Variants in SUPT3H observed in about 807,000 individuals in gnomAD.
SUPT3H encodes the protein SPT3 homolog, SAGA and STAGA complex component, also known as transcription initiation protein SPT3 homolog.
SUPT3H carries 44 observed loss-of-function variants against 44.3 expected under a neutral mutation model. The ratio of observed to expected loss-of-function variants is 0.99; its 90% CI spans 0.78 to 1.28. The LOEUF (loss-of-function observed/expected upper bound fraction) is 1.28. Ranked by LOEUF, SUPT3H falls within the 50% of genes most tolerant of loss-of-function variation. The pLI, the probability that SUPT3H is intolerant of heterozygous loss-of-function variation, is 0.00. For synonymous variants in SUPT3H, 124 were observed against 125.6 expected (o/e 0.99, Z 0.09); for missense variants, 380 against 387.1 (o/e 0.98, Z 0.15).
chr6:44,878,042 C>G (rs1582153935), intron 10 of SUPT3H, among the ~76,000 whole-genome samples: 1 of 152,064 alleles, frequency 6.6e-6, no homozygotes, highest in Admixed American at 6.6e-5. Flanking sequence ...ATTTTGACAC[C>G]CAACTAAAGG....
At chr6:45,178,785 G>A (rs1275155924) in intron 2 of SUPT3H, among the ~76,000 whole-genome samples, 1 of 152,108 alleles carries the variant, frequency 6.6e-6, no homozygotes, top group East Asian at 1.9e-4. Context: ...TCAAGTACAT[G>A]GAAACTGAAC....
At chr6:45,164,325 A>G (rs1447277851) in intron 2 of SUPT3H, among the ~76,000 whole-genome samples, 1 of 152,160 alleles carries the variant, frequency 6.6e-6, no homozygotes, top group African/African-American at 2.4e-5. Flanking sequence ...CAGGATTAAG[A>G]TTATATAGCC....
intron 2 of SUPT3H, among the ~76,000 whole-genome samples, chr6:45,350,293 G>T (rs546120153): frequency 7.2e-4 from 110 of 152,306 alleles, no homozygotes; most frequent in African/African-American, 2.6e-3. Flanking sequence ...AAAAACATTT[G>T]TATATAATAA....
chr6:44,838,215 G>C (rs1431883495), intron 10 of SUPT3H, among the ~76,000 whole-genome samples: 1 of 152,210 alleles, frequency 6.6e-6, no homozygotes, highest in African/African-American at 2.4e-5. Context: ...AGAAATGATA[G>C]AGAAGGTGTA....
chr6:45,079,034 G>A (rs2153557319), intron 3 of SUPT3H, among the ~76,000 whole-genome samples: 1 of 152,242 alleles, frequency 6.6e-6, no homozygotes, highest in East Asian at 1.9e-4. Flanking sequence ...TATATTGCTG[G>A]GCGCGGTGGC....
rs73737811 is a variant in SUPT3H at position 44,994,161 on chromosome 6, T to C, written c.504+9492A>G. On this transcript the variant is annotated intron_variant, in intron 6 of 10. Transcript: ENST00000371459. ...ATACTTACTTTTGATTGGTCAGTTA[T>C]TACTCTAGGACTGTGAGGGCAAAGG... Among the ~76,000 whole-genome samples, 593 of 152,254 alleles carry C rather than the reference T, an allele frequency of 3.9e-3. 7 individuals carry two copies. Among genetic ancestry groups the C allele is most frequent in the African/African-American group, 0.014 (565 of 41,550 alleles).
intron 10 of SUPT3H, among the ~76,000 whole-genome samples, chr6:44,917,874 C>T (rs1768060617): frequency 6.6e-6 from 1 of 152,158 alleles, no homozygotes; most frequent in Admixed American, 6.5e-5. Flanking sequence ...CTTTGCAAAG[C>T]TGGCTTAAGT....
At chr6:45,104,280 T>C (rs1798981968) in intron 3 of SUPT3H, among the ~76,000 whole-genome samples, 1 of 152,112 alleles carries the variant, frequency 6.6e-6, no homozygotes, top group Non-Finnish European at 1.5e-5. Context: ...TACATAGATT[T>C]AACATGAATA....
chr6:44,825,493 G>C (rs978707373), downstream of SUPT3H, among the ~76,000 whole-genome samples: 1 of 152,126 alleles, frequency 6.6e-6, no homozygotes, highest in Non-Finnish European at 1.5e-5. Flanking sequence ...AAAGTGCTGG[G>C]TACAAAAGCC....
At chr6:45,224,287 C>A (rs546545852) in intron 2 of SUPT3H, among the ~76,000 whole-genome samples, 1 of 151,974 alleles carries the variant, frequency 6.6e-6, no homozygotes, top group African/African-American at 2.4e-5. Flanking sequence ...GCATAAAATT[C>A]TCTCAATGGG....
intron 10 of SUPT3H, among the ~76,000 whole-genome samples, chr6:44,906,619 A>C (rs1165099633): frequency 6.6e-6 from 1 of 152,058 alleles, no homozygotes; most frequent in Non-Finnish European, 1.5e-5. Context: ...AAAATTAGCC[A>C]GGCATGGTGG....
At chr6:44,930,338 G>A (rs1238918899) in intron 10 of SUPT3H, among the ~76,000 whole-genome samples, 2 of 151,244 alleles carry the variant, frequency 1.3e-5, no homozygotes, top group African/African-American at 4.9e-5. Context: ...CCGAGTTCGC[G>A]CCACTGCATT....
intron 2 of SUPT3H, among the ~76,000 whole-genome samples, chr6:45,182,166 A>T (rs1308974131): frequency 6.6e-6 from 1 of 152,244 alleles, no homozygotes; most frequent in Non-Finnish European, 1.5e-5. Context: ...TCCAACGTTT[A>T]GTGTTGAGTA....
chr6:45,232,958 C>T (rs1211930544), intron 2 of SUPT3H, among the ~76,000 whole-genome samples: 1 of 152,152 alleles, frequency 6.6e-6, no homozygotes, highest in African/African-American at 2.4e-5. Context: ...GGGTCCCTCT[C>T]TACATGTGAG....
intron 2 of SUPT3H, among the ~76,000 whole-genome samples, chr6:45,179,141 A>C (rs1009216661): frequency 5.9e-5 from 9 of 152,308 alleles, no homozygotes; most frequent in African/African-American, 1.7e-4. Flanking sequence ...GAAATGGATA[A>C]ATTCCTCGAC....
chr6:44,890,148 T>C (rs1423891920), intron 10 of SUPT3H, among the ~76,000 whole-genome samples: 2 of 151,264 alleles, frequency 1.3e-5, no homozygotes, highest in Non-Finnish European at 2.9e-5. Context: ...GGAACACTTT[T>C]ACACTGCTGG....
At chr6:45,114,693 G>C (rs1444868011) in intron 2 of SUPT3H, among the ~76,000 whole-genome samples, 1 of 152,148 alleles carries the variant, frequency 6.6e-6, no homozygotes, top group East Asian at 1.9e-4. Flanking sequence ...ACATTTCTAA[G>C]AAGCAAATAT....
chr6:45,120,810 T>G (rs762022047), intron 2 of SUPT3H, among the ~76,000 whole-genome samples: 1 of 152,194 alleles, frequency 6.6e-6, no homozygotes, highest in Non-Finnish European at 1.5e-5. Context: ...GGGAACTCCA[T>G]AGTGTCTTTA....
Position 44,818,512 on chromosome 6 carries a change from C to T in SUPT3H, c.*53-9011G>A, listed in dbSNP as rs141808004. Among the ~76,000 whole-genome samples the T allele has an allele frequency of 1.9e-3, 289 of 152,212 alleles. 2 individuals are homozygous for T. The highest frequency in any genetic ancestry group is 0.01 in the Middle Eastern group (3 of 294). On this transcript the variant is annotated intron_variant and NMD_transcript_variant, in intron 11 of 11. Transcript: ENST00000475057. Reference sequence around the variant, plus strand: ...AAAAATATCAGCTTTTCCAAGGGCACTTTAGGAAAGAACAAGCTCCAGACT... The same window carrying T: ...AAAAATATCAGCTTTTCCAAGGGCATTTTAGGAAAGAACAAGCTCCAGACT...
Sources: gnomAD v4.1 joint callset for allele counts (sites outside exome capture counted in the v4.1 genomes callset) on GRCh38, gnomAD v4.1.1 for gene constraint, MANE v1.5 for transcripts, NCBI Gene and HGNC (gene_info 2026-07-23, HGNC 2026-07-21) for gene names.